EVA1C: variants seen among roughly 807,000 people sequenced by gnomAD.
EVA1C encodes protein eva-1 homolog C.
A neutral mutation model predicts 45.4 loss-of-function variants in EVA1C; 25 were observed. The ratio of observed to expected loss-of-function variants is 0.55; its 90% CI spans 0.40 to 0.77. The LOEUF (loss-of-function observed/expected upper bound fraction) is 0.77, where lower values mean the gene tolerates loss of function less well. EVA1C is among the 30% of genes least tolerant of loss of function. The pLI, the probability that EVA1C is intolerant of heterozygous loss-of-function variation, is 0.00. For missense variants in EVA1C, 479 were observed against 554.8 expected, an observed-to-expected ratio of 0.86 and a Z score of 1.37; for synonymous variants, 190 against 221.2, an observed-to-expected ratio of 0.86 and a Z score of 1.25.
At chr21:32,486,100 C>T (rs573057058) in intron 4 of EVA1C, among the ~76,000 whole-genome samples, 4 of 152,230 alleles carry the variant, frequency 2.6e-5, no homozygotes, top group South Asian at 2.1e-4. Flanking sequence ...AGAGTGGATG[C>T]GGAGCTATTG....
chr21:32,471,711 C>T (rs2036384384), intron 4 of EVA1C, among the ~76,000 whole-genome samples: 1 of 151,798 alleles, frequency 6.6e-6, no homozygotes, highest in Non-Finnish European at 1.5e-5. Context: ...TCACTGCAAG[C>T]TCTGCCTCCC....
rs1044594532 is a variant in EVA1C, at chr21:32,467,749, C to G, written c.535C>G (p.His179Asp). The change falls in exon 4 of 8, where the codon CAT becomes GAT. Residue 179 changes from histidine (H) to aspartate (D), a missense_variant. His to Asp is a moderately conservative substitution (Grantham distance 81). This residue lies in a region of EVA1C where 366 missense variants were observed against 426.1 expected (regional missense o/e 0.86). Coordinates refer to ENST00000300255, the MANE Select transcript of EVA1C (RefSeq NM_058187.5). The stretch of plus-strand genomic sequence containing the variant: ...AGACCAGGAGCTGAAACTGCACTGC[C>G]ATGAATCCAAGTTCCTCAACATCTA... ...CEDQELKLHC[H>D]ESKFLNIYSA... is the part of the protein sequence containing the mutation. The G allele has an allele frequency of 6.2e-7, 1 of 1,612,348 alleles. No homozygotes were observed. The highest frequency in any genetic ancestry group is 2.2e-5 in the East Asian group (1 of 44,730).
intron 4 of EVA1C, among the ~76,000 whole-genome samples, chr21:32,470,580 A>G (rs1476965157): frequency 6.6e-6 from 1 of 152,092 alleles, no homozygotes; most frequent in Non-Finnish European, 1.5e-5. Flanking sequence ...TCCCTCTCTG[A>G]TAACACCTGC....
intron 2 of EVA1C, among the ~76,000 whole-genome samples, chr21:32,455,340 T>C (rs903954667): frequency 6.6e-6 from 1 of 152,058 alleles, no homozygotes; most frequent in Non-Finnish European, 1.5e-5. Context: ...ACAAAAACAG[T>C]ATTAATCCAT....
chr21:32,468,523 T>C (rs1039548143), intron 4 of EVA1C, among the ~76,000 whole-genome samples: 4 of 151,804 alleles, frequency 2.6e-5, no homozygotes, highest in African/African-American at 9.7e-5. Flanking sequence ...GGGGAGTTTA[T>C]TAAGTATTAA....
intron 5 of EVA1C, among the ~76,000 whole-genome samples, chr21:32,496,449 T>G (rs1207663855): frequency 6.6e-6 from 1 of 152,248 alleles, no homozygotes; most frequent in Admixed American, 6.5e-5. Context: ...AGTGACTACA[T>G]AAATGTATTA....
chr21:32,431,547 C>G (rs1278877434), intron 1 of EVA1C, among the ~76,000 whole-genome samples: 1 of 152,230 alleles, frequency 6.6e-6, no homozygotes, highest in Non-Finnish European at 1.5e-5. Context: ...GGCCTGGGCA[C>G]TGATATTCAT....
intron 5 of EVA1C, among the ~76,000 whole-genome samples, chr21:32,500,102 G>C (rs2037478130): frequency 6.6e-6 from 1 of 152,000 alleles, no homozygotes; most frequent in Admixed American, 6.6e-5. Context: ...AGTAGGTGCT[G>C]GGAGAGTTTG....
At chr21:32,433,821 G>T (rs568212172) in intron 1 of EVA1C, among the ~76,000 whole-genome samples, 51 of 150,924 alleles carry the variant, frequency 3.4e-4, no homozygotes, top group African/African-American at 1.2e-3. Context: ...TTAAAATGAG[G>T]TTGATAGAGT....
chr21:32,442,629 C>T (rs1003228609), intron 1 of EVA1C, among the ~76,000 whole-genome samples: 30 of 147,080 alleles, frequency 2.0e-4, no homozygotes, highest in African/African-American at 7.6e-4. Flanking sequence ...GGTCTTTTAT[C>T]TAAAGCATTA....
At chr21:32,440,625 A>C (rs1298912180) in intron 1 of EVA1C, among the ~76,000 whole-genome samples, 5 of 152,194 alleles carry the variant, frequency 3.3e-5, no homozygotes, top group Non-Finnish European at 7.3e-5. Context: ...TTAACTTTTT[A>C]AAATTGGTTG....
chr21:32,512,444 A>G (rs2037987704), intron 7 of EVA1C, among the ~76,000 whole-genome samples: 1 of 152,174 alleles, frequency 6.6e-6, no homozygotes, highest in African/African-American at 2.4e-5. Context: ...AAACGTCCCC[A>G]TTCGACTTCC....
chr21:32,454,457 T>C (rs1247115367), intron 2 of EVA1C, among the ~76,000 whole-genome samples: 1 of 152,132 alleles, frequency 6.6e-6, no homozygotes, highest in Non-Finnish European at 1.5e-5. Flanking sequence ...AAAGATTTGG[T>C]ATAGGAGAAG....
intron 1 of EVA1C, among the ~76,000 whole-genome samples, chr21:32,425,250 G>A (rs531223064): frequency 1.7e-4 from 24 of 144,304 alleles, no homozygotes; most frequent in African/African-American, 4.4e-4. Context: ...TAGGAGAATC[G>A]CTTGAACCCA....
chr21:32,481,110 T>C (rs964186330), intron 4 of EVA1C, among the ~76,000 whole-genome samples: 3 of 152,186 alleles, frequency 2.0e-5, no homozygotes, highest in Non-Finnish European at 4.4e-5. Context: ...TAGGGCTTTT[T>C]CCCCCAGTTT....
chr21:32,414,729 T>C (rs777004764), intron 1 of EVA1C, among the ~76,000 whole-genome samples: 11 of 152,260 alleles, frequency 7.2e-5, no homozygotes, highest in Non-Finnish European at 1.5e-4. Context: ...TTCTTCTGCT[T>C]TCCATACGAA....
rs1169768502 is a variant in EVA1C at position 32,474,255 on chromosome 21, C to A, written c.634+6407C>A. ...TAAACCAGAGCACACCGCACCTCCG[C>A]TTAAAGCCCTCCACTCTGCACACTG... is the stretch of plus-strand genomic sequence containing the variant. On this transcript the variant is annotated intron_variant, in intron 4 of 7. Transcript: ENST00000300255. This position sits in a 1 kb window ranked among gnomAD's most constrained non-coding sequence, Gnocchi z 4.4. Among the ~76,000 whole-genome samples the A allele has an allele frequency of 2.6e-5, 4 of 152,244 alleles. No individual in the cohort carries two copies. The highest frequency in any genetic ancestry group is 4.4e-5 in the Non-Finnish European group (3 of 68,052).
At chr21:32,458,029 GA>G (rs1349549444) in intron 3 of EVA1C, among the ~76,000 whole-genome samples, 1 of 152,186 alleles carries the variant, frequency 6.6e-6, no homozygotes, top group Non-Finnish European at 1.5e-5. Context: ...GGGGTGGTGA[GA>G]GACTGCAATT....
chr21:32,482,492 C>T (rs1291705706), intron 4 of EVA1C, among the ~76,000 whole-genome samples: 1 of 152,216 alleles, frequency 6.6e-6, no homozygotes, highest in Non-Finnish European at 1.5e-5. Context: ...TTCCCTGAGA[C>T]ATGAGCTTCC....
Sources: gnomAD v4.1 joint callset for allele counts (sites outside exome capture counted in the v4.1 genomes callset) on GRCh38, gnomAD v4.1.1 for gene constraint, gnomAD v4.1.1 regional missense constraint, Gnocchi (gnomAD v3.1) non-coding constraint, MANE v1.5 for transcripts, NCBI Gene and HGNC (gene_info 2026-07-23, HGNC 2026-07-21) for gene names.